SGCZ: variants seen among roughly 807,000 people sequenced by gnomAD.
SGCZ encodes sarcoglycan zeta, also known as zeta-sarcoglycan.
SGCZ carries 40 observed loss-of-function variants against 41.3 expected under a neutral mutation model. The observed-to-expected ratio is 0.97, with a 90% confidence interval of 0.75 to 1.26. SGCZ has a LOEUF of 1.26. Among genes scored for constraint, SGCZ ranks in the 50% most tolerant of loss-of-function variants. The pLI, the probability that SGCZ is intolerant of heterozygous loss-of-function variation, is 0.00. For missense variants in SGCZ, 552 were observed against 369.8 expected, an observed-to-expected ratio of 1.49 and a Z score of -4.04; for synonymous variants, 206 against 137.5, an observed-to-expected ratio of 1.50 and a Z score of -3.49.
chr8:14,288,515 C>T lies in SGCZ; in HGVS notation c.336+35588G>A, dbSNP rs189273069. Among the ~76,000 whole-genome samples the T allele has an allele frequency of 1.6e-3, 251 of 152,168 alleles. 9 individuals carry two copies. The highest frequency in any genetic ancestry group is 0.016 in the Admixed American group (245 of 15,276). ...CTTTGACTATAATGGATATTTCATA[C>T]AAATGGGCTTATATAATAAATGACC... is the stretch of plus-strand genomic sequence containing the variant. On this transcript the variant is annotated intron_variant, in intron 3 of 7. Transcript: ENST00000382080.
chr8:14,593,602 G>C (rs1436040265), intron 1 of SGCZ, among the ~76,000 whole-genome samples: 1 of 152,154 alleles, frequency 6.6e-6, no homozygotes, highest in Non-Finnish European at 1.5e-5. Flanking sequence ...TGGTGAAGGT[G>C]TAAGTGTTTC....
intron 2 of SGCZ, among the ~76,000 whole-genome samples, chr8:14,371,520 T>TAA (rs33998040): frequency 1.5e-4 from 23 of 151,828 alleles, no homozygotes; most frequent in Non-Finnish European, 2.2e-4. Flanking sequence ...TATGTAAATA[T>TAA]AAAAAAAAGT....
At chr8:15,018,978 G>C (rs901474892) in intron 1 of SGCZ, among the ~76,000 whole-genome samples, 3 of 152,180 alleles carry the variant, frequency 2.0e-5, no homozygotes, top group African/African-American at 7.2e-5. Flanking sequence ...TACATGGCCG[G>C]AGCAGGAGAG....
At chr8:14,921,950 T>C (rs1232589372) in intron 1 of SGCZ, among the ~76,000 whole-genome samples, 1 of 152,170 alleles carries the variant, frequency 6.6e-6, no homozygotes, top group Non-Finnish European at 1.5e-5. Context: ...ACGTGCTTTA[T>C]ATAATGCTAC....
intron 3 of SGCZ, among the ~76,000 whole-genome samples, chr8:14,239,901 C>CAAAAAAAAAAAAAAAAAAAAAAAAAA: frequency 2.4e-5 from 1 of 41,376 alleles, no homozygotes; most frequent in African/African-American, 2.3e-4. Flanking sequence ...GACTCCGTCT[C>CAAAAAAAAAAAAAAAAAAAAAAAAAA]AAAAAAAAAA....
At chr8:15,147,763 C>T (rs568027980) in intron 1 of SGCZ, among the ~76,000 whole-genome samples, 1 of 152,152 alleles carries the variant, frequency 6.6e-6, no homozygotes, top group African/African-American at 2.4e-5. Context: ...GAGAAGGACA[C>T]AGTTCACACT....
intron 2 of SGCZ, among the ~76,000 whole-genome samples, chr8:14,498,784 A>T (rs1365258057): frequency 2.0e-5 from 3 of 152,054 alleles, no homozygotes; most frequent in African/African-American, 7.2e-5. Context: ...TTAAAAACAT[A>T]TATTTTAAAT....
At chr8:14,928,456 T>C (rs928558322) in intron 1 of SGCZ, among the ~76,000 whole-genome samples, 9 of 152,126 alleles carry the variant, frequency 5.9e-5, no homozygotes, top group African/African-American at 1.7e-4. Flanking sequence ...GACAATATAA[T>C]AAAATAGGAA....
At chr8:15,054,381 A>C (rs1804627823) in intron 1 of SGCZ, among the ~76,000 whole-genome samples, 1 of 152,144 alleles carries the variant, frequency 6.6e-6, no homozygotes, top group East Asian at 1.9e-4. Context: ...CTTGGAGGCT[A>C]TTAATAGCTT....
chr8:14,851,917 C>A (rs1803342122), intron 1 of SGCZ, among the ~76,000 whole-genome samples: 1 of 151,870 alleles, frequency 6.6e-6, no homozygotes, highest in African/African-American at 2.4e-5. Context: ...GTGATGATAG[C>A]TGAGATTCTT....
chr8:14,941,743 C>G (rs1043558413), intron 1 of SGCZ, among the ~76,000 whole-genome samples: 1 of 151,528 alleles, frequency 6.6e-6, no homozygotes, highest in Non-Finnish European at 1.5e-5. Context: ...TTATTAGAGA[C>G]TTGATTTTTT....
At chr8:14,387,916 G>A (rs906381008) in intron 2 of SGCZ, among the ~76,000 whole-genome samples, 3 of 151,996 alleles carry the variant, frequency 2.0e-5, no homozygotes, top group African/African-American at 7.3e-5. Flanking sequence ...GGATAGAAGA[G>A]AGAGAAGTGG....
At chr8:14,714,887 T>G (rs1250165600) in intron 1 of SGCZ, among the ~76,000 whole-genome samples, 1 of 152,084 alleles carries the variant, frequency 6.6e-6, no homozygotes, top group East Asian at 1.9e-4. Context: ...TTTTCAGAGC[T>G]AAATTTTAAA....
At chr8:14,228,021 T>C (rs552347554) in intron 4 of SGCZ, among the ~76,000 whole-genome samples, 1 of 137,300 alleles carries the variant, frequency 7.3e-6, no homozygotes, top group South Asian at 2.2e-4. Flanking sequence ...TTAGGAACCC[T>C]AATACTGAAG....
intron 1 of SGCZ, among the ~76,000 whole-genome samples, chr8:15,217,348 C>A (rs1426327023): frequency 1.3e-5 from 2 of 148,540 alleles, no homozygotes; most frequent in East Asian, 4.0e-4. Flanking sequence ...ACCCGGGAGG[C>A]GGAGCTTGCA....
intron 1 of SGCZ, among the ~76,000 whole-genome samples, chr8:15,158,545 T>G (rs1050062594): frequency 1.3e-5 from 2 of 152,250 alleles, no homozygotes; most frequent in Non-Finnish European, 2.9e-5. Flanking sequence ...ATTACTACTT[T>G]ATGCTAAAAC....
intron 3 of SGCZ, among the ~76,000 whole-genome samples, chr8:14,240,327 C>CAAAAAAAAAAAAAAAAAAAAAA (rs59351247): frequency 1.8e-4 from 21 of 115,216 alleles, no homozygotes; most frequent in Non-Finnish European, 3.0e-4. Context: ...AACTCTGTGT[C>CAAAAAAAAAAAAAAAAAAAAAA]AAAAAAAAAA....
At chr8:14,673,569 T>A (rs564369015) in intron 1 of SGCZ, among the ~76,000 whole-genome samples, 3 of 152,252 alleles carry the variant, frequency 2.0e-5, no homozygotes, top group East Asian at 3.9e-4. Flanking sequence ...TGTGGAACTG[T>A]GAGTCAATTA....
chr8:14,556,190 C>G (rs1804029731), intron 1 of SGCZ, among the ~76,000 whole-genome samples: 1 of 151,730 alleles, frequency 6.6e-6, no homozygotes, highest in Non-Finnish European at 1.5e-5. Context: ...AGGATGGAAA[C>G]TGATTTTTAT....
Sources: gnomAD v4.1 joint callset for allele counts (sites outside exome capture counted in the v4.1 genomes callset) on GRCh38, gnomAD v4.1.1 for gene constraint, MANE v1.5 for transcripts, NCBI Gene and HGNC (gene_info 2026-07-23, HGNC 2026-07-21) for gene names.